The following KLHL1 variants were observed in gnomAD, a reference collection of about 807,000 sequenced individuals.
The protein encoded by KLHL1 is kelch like family member 1, also known as kelch-like protein 1.
A neutral mutation model predicts 77.7 loss-of-function variants in KLHL1; 47 were observed. The ratio of observed to expected loss-of-function variants is 0.60; its 90% CI spans 0.48 to 0.77. The LOEUF is 0.77. Ranked by LOEUF, KLHL1 falls within the 30% of genes least tolerant of loss-of-function variation. The probability of loss-of-function intolerance (pLI) is 0.00; values close to 1 mark genes in which losing one functional copy is unlikely to be tolerated. For synonymous variants in KLHL1, 360 were observed against 325.2 expected, an observed-to-expected ratio of 1.11 and a Z score of -1.15; for missense variants, 925 against 910.8, an observed-to-expected ratio of 1.02 and a Z score of -0.20.
At chr13:69,984,191 G>T (rs1388778166) in intron 1 of KLHL1, among the ~76,000 whole-genome samples, 1 of 152,042 alleles carries the variant, frequency 6.6e-6, no homozygotes, top group African/African-American at 2.4e-5. Context: ...AATTATTTAG[G>T]CAGATAGTGA....
intron 1 of KLHL1, among the ~76,000 whole-genome samples, chr13:70,006,081 G>C (rs1000353056): frequency 6.6e-6 from 1 of 151,956 alleles, no homozygotes; most frequent in Non-Finnish European, 1.5e-5. Flanking sequence ...GACTATTTTA[G>C]ATTCATCATA....
intron 1 of KLHL1, among the ~76,000 whole-genome samples, chr13:69,989,736 T>C (rs1884978330): frequency 6.6e-6 from 1 of 152,060 alleles, no homozygotes; most frequent in Admixed American, 6.6e-5. Flanking sequence ...GTGAATGAGA[T>C]TGCCTTCCTG....
intron 7 of KLHL1, among the ~76,000 whole-genome samples, chr13:69,743,680 G>T (rs748004430): frequency 2.0e-5 from 3 of 151,986 alleles, no homozygotes; most frequent in Non-Finnish European, 2.9e-5. Context: ...CAGCTACTTG[G>T]GAGGCTGAGG....
chr13:69,841,426 T>C (rs1329226579), intron 5 of KLHL1, among the ~76,000 whole-genome samples: 4 of 149,248 alleles, frequency 2.7e-5, no homozygotes, highest in African/African-American at 1.0e-4. Flanking sequence ...AATAACAATC[T>C]AGTTGAGAAA....
chr13:69,818,165 C>T (rs577290510), intron 6 of KLHL1, among the ~76,000 whole-genome samples: 2 of 151,362 alleles, frequency 1.3e-5, no homozygotes, highest in East Asian at 3.9e-4. Flanking sequence ...AGTCCCTTGT[C>T]CAAACACTCA....
chr13:69,956,086 TTA>T (rs1406983533), intron 3 of KLHL1, among the ~76,000 whole-genome samples: 2 of 133,780 alleles, frequency 1.5e-5, no homozygotes, highest in South Asian at 2.2e-4. Context: ...ATATATATTT[TTA>T]TATATTTGAT....
chr13:69,895,943 G>T (rs980257380), intron 4 of KLHL1, among the ~76,000 whole-genome samples: 5 of 151,962 alleles, frequency 3.3e-5, no homozygotes, highest in African/African-American at 1.2e-4. Flanking sequence ...TGTGACCTCA[G>T]GTGATCCACT....
chr13:70,031,481 T>C (rs1886098835), intron 1 of KLHL1, among the ~76,000 whole-genome samples: 1 of 152,234 alleles, frequency 6.6e-6, no homozygotes, highest in East Asian at 1.9e-4. Flanking sequence ...ACTCATGCTA[T>C]GAAGTAAAAT....
chr13:69,888,317 A>G (rs1401370130), intron 4 of KLHL1, among the ~76,000 whole-genome samples: 6 of 152,174 alleles, frequency 3.9e-5, no homozygotes, highest in African/African-American at 1.4e-4. Flanking sequence ...TCATAGCAGC[A>G]TCTCTTCCAA....
chr13:70,024,687 TTTA>T (rs1885898553), intron 1 of KLHL1, among the ~76,000 whole-genome samples: 1 of 150,756 alleles, frequency 6.6e-6, no homozygotes, highest in African/African-American at 2.4e-5. Context: ...TTTTTCTTTC[TTTA>T]TTTCTCTTTC....
At chr13:69,967,893 A>G (rs904084711) in intron 2 of KLHL1, among the ~76,000 whole-genome samples, 4 of 152,024 alleles carry the variant, frequency 2.6e-5, no homozygotes, top group Non-Finnish European at 5.9e-5. Flanking sequence ...ATCAAAAAAA[A>G]AAAAAAAGAA....
chr13:70,035,749 T>G (rs1453843308), intron 1 of KLHL1, among the ~76,000 whole-genome samples: 4 of 151,990 alleles, frequency 2.6e-5, no homozygotes, highest in Admixed American at 2.6e-4. Flanking sequence ...GCTTTTATGT[T>G]AACTTTTCAT....
At chr13:69,731,148 AT>A (rs1166671194) in intron 8 of KLHL1, among the ~76,000 whole-genome samples, 2 of 152,156 alleles carry the variant, frequency 1.3e-5, no homozygotes, top group East Asian at 3.9e-4. Flanking sequence ...GTATTATTAA[AT>A]ATATACATTT....
At chr13:70,060,201 G>A (rs566084509) in intron 1 of KLHL1, among the ~76,000 whole-genome samples, 4 of 152,254 alleles carry the variant, frequency 2.6e-5, no homozygotes, top group African/African-American at 9.6e-5. Flanking sequence ...GAGATCATAA[G>A]AGAAATAATG....
At chr13:69,996,910 A>ATTTTTTTTTTTTTTTTTTTTTTTTTTTTT (rs10549532) in intron 1 of KLHL1, among the ~76,000 whole-genome samples, 3 of 71,240 alleles carry the variant, frequency 4.2e-5, no homozygotes, top group Non-Finnish European at 4.9e-5. Context: ...TATTCATTAA[A>ATTTTTTTTTTTTTTTTTTTTTTTTTTTTT]TTTTTTTTTT....
At chr13:69,734,523 G>A (rs769438096) in intron 8 of KLHL1, among the ~76,000 whole-genome samples, 31 of 151,982 alleles carry the variant, frequency 2.0e-4, no homozygotes, top group African/African-American at 4.6e-4. Flanking sequence ...TAAGTCAAAC[G>A]AAAATTATTA....
At chr13:69,803,580 T>A (rs1390079103) in intron 6 of KLHL1, among the ~76,000 whole-genome samples, 1 of 152,224 alleles carries the variant, frequency 6.6e-6, no homozygotes, top group Non-Finnish European at 1.5e-5. Context: ...CATTGTTGAC[T>A]TTAAAATAGG....
intron 5 of KLHL1, among the ~76,000 whole-genome samples, chr13:69,853,536 T>C (rs545727933): frequency 6.6e-6 from 1 of 152,154 alleles, no homozygotes; most frequent in African/African-American, 2.4e-5. Flanking sequence ...CTTACACTTC[T>C]GTTCTTTACA....
At chr13:69,704,718 G>T (rs1875547263) in intron 10 of KLHL1, among the ~76,000 whole-genome samples, 1 of 151,560 alleles carries the variant, frequency 6.6e-6, no homozygotes, top group South Asian at 2.1e-4. Flanking sequence ...CTTTTCTCTT[G>T]GTCCAGATTT....
Sources: allele counts gnomAD v4.1 joint callset (sites outside exome capture counted in the v4.1 genomes callset), GRCh38; gene constraint gnomAD v4.1.1; transcripts MANE v1.5; gene names NCBI Gene and HGNC (gene_info 2026-07-23, HGNC 2026-07-21).